Variants in CDKL1 observed in about 807,000 individuals in gnomAD.
The protein encoded by CDKL1 is cyclin-dependent kinase-like 1.
Under a neutral mutation model 42.0 loss-of-function variants are expected in CDKL1, and 41 were observed. That is an observed-to-expected ratio of 0.98 (90% confidence interval 0.76 to 1.27). The LOEUF is 1.27. CDKL1 is among the 50% of genes most tolerant of loss of function. The probability of loss-of-function intolerance (pLI) is 0.00; values close to 1 mark genes in which losing one functional copy is unlikely to be tolerated. For missense variants in CDKL1, 394 were observed against 428.4 expected, an observed-to-expected ratio of 0.92 and a Z score of 0.71; for synonymous variants, 153 against 158.6, an observed-to-expected ratio of 0.96 and a Z score of 0.26.
In CDKL1 at chr14:50,326,853, C is replaced by A; in HGVS notation, c.*3221G>T. On this transcript the variant is annotated 3_prime_UTR_variant, in exon 10 of 10. Coordinates refer to ENST00000395834, the MANE Select transcript of CDKL1 (RefSeq NM_004196.7). Reference sequence around the variant, plus strand: ...ACCAGGAGTTTGAGACCAATTTGGGCAACACAGTGAGACCCCATCTCTAAA... The same window carrying A: ...ACCAGGAGTTTGAGACCAATTTGGGAAACACAGTGAGACCCCATCTCTAAA... The A allele has an allele frequency of 1.4e-6, 1 of 707,258 alleles. No homozygotes were observed. The highest frequency in any genetic ancestry group is 1.7e-6 in the Non-Finnish European group (1 of 576,424). The allele number at this position is 707,258 out of a possible 1,614,324, so 43.8% of individuals were successfully genotyped here. A position where few individuals can be genotyped will look rare whatever the true frequency, so the allele number is the denominator to read the frequency against.
At chr14:50,334,761 AAC>A (rs1483533964) in intron 7 of CDKL1, 140 bp from the exon 8 acceptor site, 2 of 633,518 alleles carry the variant, frequency 3.2e-6, no homozygotes, top group Non-Finnish European at 5.6e-6. Flanking sequence ...TCCTGCCCAA[AAC>A]AGTCTCCCTT....
chr14:50,395,000 A>T lies in CDKL1; in HGVS notation c.168+701T>A, dbSNP rs375283051. Among the ~76,000 whole-genome samples, 156 of 152,304 alleles carry T rather than the reference A, an allele frequency of 1.0e-3. 3 individuals carry two copies. The South Asian group carries it at 0.03, about 30-fold the overall frequency. ...AAATGTTAAAAAAAATTAGAAAGTG[A>T]TCATTTCACTTCTTTAAGAAAAACG... is the stretch of plus-strand genomic sequence containing the variant. On this transcript the variant is annotated intron_variant, in intron 2 of 9. Transcript: ENST00000395834.
intron 5 of CDKL1, among the ~76,000 whole-genome samples, chr14:50,341,615 CA>C (rs1355540921): frequency 7.3e-5 from 11 of 151,390 alleles, no homozygotes; most frequent in Non-Finnish European, 1.5e-4. Context: ...CCCGTCTCTA[CA>C]AAAAAAATAC....
chr14:50,361,953 A>T (rs1207392752), intron 2 of CDKL1, among the ~76,000 whole-genome samples: 1 of 152,146 alleles, frequency 6.6e-6, no homozygotes. Context: ...GGAGGTGTGG[A>T]GGGAGAGGCG....
chr14:50,332,568 TG>T, intron 8 of CDKL1, 136 bp from the exon 9 acceptor site: 1 of 1,481,562 alleles, frequency 6.7e-7, no homozygotes, highest in Non-Finnish European at 9.0e-7. Flanking sequence ...ACACCAGTCA[TG>T]ATTTTAGTTC....
At chr14:50,331,175 G>A (rs6572659) in intron 9 of CDKL1, 82,953 of 152,204 alleles carry the variant, frequency 0.55, 22,800 homozygotes, top group East Asian at 0.62. Context: ...AGAGGTTGCA[G>A]TGAGCCAAGA....
rs1377395548 is a variant in CDKL1, at chr14:50,382,967, G to A, written c.168+12734C>T. Among the ~76,000 whole-genome samples, 4 of 145,914 alleles carry A rather than the reference G, an allele frequency of 2.7e-5. No individual in the cohort carries two copies. In the East Asian group the frequency reaches 8.7e-4, roughly 32 times the overall value. ...TTTTGAGACGGAGTCTCGCTCTGTT[G>A]CCCAGGCTGGAGTGCAGTGGCACGA... is the stretch of plus-strand genomic sequence containing the variant. On this transcript the variant is annotated intron_variant, in intron 2 of 9. Coordinates refer to ENST00000395834, the MANE Select transcript of CDKL1 (RefSeq NM_004196.7).
At chr14:50,338,114 G>A (rs961175766) in intron 7 of CDKL1, among the ~76,000 whole-genome samples, 3 of 152,070 alleles carry the variant, frequency 2.0e-5, no homozygotes, top group Admixed American at 1.3e-4. Flanking sequence ...GTGGATTAGG[G>A]GTATAAACAT....
chr14:50,355,502 C>T (rs914133775), intron 3 of CDKL1, among the ~76,000 whole-genome samples: 2 of 152,078 alleles, frequency 1.3e-5, no homozygotes, highest in South Asian at 4.1e-4. Flanking sequence ...AAATCCAAAC[C>T]TTGTTATGAT....
At chr14:50,354,753 C>A (rs924110465) in intron 3 of CDKL1, among the ~76,000 whole-genome samples, 1 of 152,110 alleles carries the variant, frequency 6.6e-6, no homozygotes, top group Non-Finnish European at 1.5e-5. Context: ...GAAGTTGGAT[C>A]TTCTCCAAAA....
At chr14:50,363,070 C>A in intron 2 of CDKL1, 1 of 397,368 alleles carries the variant, frequency 2.5e-6, no homozygotes, top group Non-Finnish European at 5.6e-6. Context: ...AACACACTGC[C>A]TTAAGAGCTG....
At chr14:50,389,020 A>T (rs1026825041) in intron 2 of CDKL1, among the ~76,000 whole-genome samples, 18 of 147,932 alleles carry the variant, frequency 1.2e-4, no homozygotes, top group Admixed American at 4.2e-4. Flanking sequence ...AATCGCTTGA[A>T]CCCAGGAGGC....
intron 7 of CDKL1, among the ~76,000 whole-genome samples, chr14:50,337,993 G>T (rs574444905): frequency 1.3e-5 from 2 of 151,998 alleles, no homozygotes; most frequent in African/African-American, 4.8e-5. Context: ...TTGTAAGGAT[G>T]TACCATACAT....
At chr14:50,336,739 C>T (rs1015113920) in intron 7 of CDKL1, among the ~76,000 whole-genome samples, 1 of 152,058 alleles carries the variant, frequency 6.6e-6, no homozygotes. Flanking sequence ...GATTACAATA[C>T]AGGCTCATTA....
Position 50,326,739 on chromosome 14 carries a change from T to A in CDKL1, c.*3335A>T. ...TAGTGGGCTATGCTTAGGTTTTTCTTGAAACCTAACATTGCTTTAGGCTGG... is the reference window on the plus strand; with the variant it reads ...TAGTGGGCTATGCTTAGGTTTTTCTAGAAACCTAACATTGCTTTAGGCTGG... On this transcript the variant is annotated 3_prime_UTR_variant, in exon 10 of 10. Coordinates refer to ENST00000395834, the MANE Select transcript of CDKL1 (RefSeq NM_004196.7). 1 of 985,406 alleles carries A rather than the reference T, an allele frequency of 1.0e-6. No homozygotes were observed. Among genetic ancestry groups the A allele is most frequent in the Non-Finnish European group, 1.2e-6 (1 of 829,916 alleles). 61.0% of individuals were successfully genotyped at this position (985,406 alleles called of 1,614,324 possible).
intron 2 of CDKL1, chr14:50,376,385 G>A: frequency 2.1e-6 from 1 of 471,054 alleles, no homozygotes; most frequent in South Asian, 1.6e-5. Flanking sequence ...AAGCATCATT[G>A]CATAAAAATA....
At chr14:50,336,259 G>A (rs575696500) in intron 7 of CDKL1, 1 of 1,258,588 alleles carries the variant, frequency 7.9e-7, no homozygotes. Context: ...CCCCCGCACT[G>A]CCTCTTCCTG....
intron 2 of CDKL1, among the ~76,000 whole-genome samples, chr14:50,389,898 TG>T (rs1420668601): frequency 2.6e-5 from 4 of 152,136 alleles, no homozygotes; most frequent in Non-Finnish European, 5.9e-5. Flanking sequence ...GGCATGAACT[TG>T]GGGACAGACA....
At chr14:50,397,027 G>A, upstream of CDKL1, 1 of 1,243,216 alleles carries the variant, frequency 8.0e-7, no homozygotes, top group Non-Finnish European at 1.1e-6. Context: ...GCCTCGGAGG[G>A]CCGCCCTCCG....
Sources: allele counts gnomAD v4.1 joint callset (sites outside exome capture counted in the v4.1 genomes callset), GRCh38; gene constraint gnomAD v4.1.1; transcripts MANE v1.5; gene names NCBI Gene and HGNC (gene_info 2026-07-23, HGNC 2026-07-21).